Variants in FBXO33 observed in about 807,000 individuals in gnomAD.
The protein encoded by FBXO33 is F-box protein 33.
FBXO33 carries 22 observed loss-of-function variants against 46.3 expected under a neutral mutation model. The ratio of observed to expected loss-of-function variants is 0.48; its 90% CI spans 0.34 to 0.68. The LOEUF (loss-of-function observed/expected upper bound fraction) is 0.68, where lower values mean the gene tolerates loss of function less well. Among genes scored for constraint, FBXO33 ranks in the 30% least tolerant of loss-of-function variants. FBXO33 has a pLI of 0.01. For synonymous variants in FBXO33, 337 were observed against 291.3 expected (o/e 1.16, Z -1.60); for missense variants, 692 against 708.8 (o/e 0.98, Z 0.27).
chr14:39,409,080 G>A (rs933527847), intron 1 of FBXO33, among the ~76,000 whole-genome samples: 34 of 151,946 alleles, frequency 2.2e-4, no homozygotes, highest in Non-Finnish European at 4.4e-4. Context: ...TTTCTGTACA[G>A]AGCTTTTATT....
chr14:39,399,584 G>A lies in FBXO33; in HGVS notation c.1600C>T (p.Leu534Phe). 1 of 1,613,576 alleles carries A rather than the reference G, an allele frequency of 6.2e-7. No individual in the cohort carries two copies. Among genetic ancestry groups the A allele is most frequent in the Admixed American group, 1.7e-5 (1 of 59,942 alleles). Residue 534 changes from leucine to phenylalanine, a missense_variant, in exon 4 of 4, where the codon CTC (leucine) becomes TTC (phenylalanine). Transcript: ENST00000298097. ...PWHAVMDIES[L>F]SVFTEPNRHF... is the part of the protein sequence containing the mutation. ...CGATTTGGTTCAGTGAAGACACTGA[G>A]TGATTCGATGTCCATGACTGCATGC...
chr14:39,422,793 A>G (rs573991101), intron 1 of FBXO33, among the ~76,000 whole-genome samples: 1 of 152,350 alleles, frequency 6.6e-6, no homozygotes, highest in South Asian at 2.1e-4. Flanking sequence ...AAAATGTCAA[A>G]TTGGAATTTT....
In FBXO33 at chr14:39,431,772, T is replaced by G; in HGVS notation, c.391A>C (p.Lys131Gln). The change falls in exon 1 of 4, where the codon AAG becomes CAG. Residue 131 changes from lysine (K) to glutamine (Q), a missense_variant. By Grantham distance (53) the Lys-to-Gln change is moderately conservative (BLOSUM62 1). Transcript: ENST00000298097. ...EQPRLEFLMR[K>Q]CGWFVRELRV... Reference sequence around the variant, plus strand: ...AGCTCTCGCACGAACCAGCCGCACTTGCGCATGAGGAATTCCAGCCGAGGC... The same window carrying G: ...AGCTCTCGCACGAACCAGCCGCACTGGCGCATGAGGAATTCCAGCCGAGGC... 4 of 1,612,818 alleles carry G rather than the reference T, an allele frequency of 2.5e-6. No homozygotes were observed. The highest frequency in any genetic ancestry group is 3.4e-6 in the Non-Finnish European group (4 of 1,179,962).
At chr14:39,418,141 G>C (rs185186903) in intron 1 of FBXO33, among the ~76,000 whole-genome samples, 353 of 151,800 alleles carry the variant, frequency 2.3e-3, no homozygotes, top group African/African-American at 8.1e-3. Context: ...TCTGCTCACT[G>C]CAAGCTCCGC....
At chr14:39,400,636 TA>T (rs1198532327) in intron 3 of FBXO33, among the ~76,000 whole-genome samples, 2 of 152,198 alleles carry the variant, frequency 1.3e-5, no homozygotes, top group African/African-American at 4.8e-5. Context: ...ACTTTGTAAT[TA>T]TCTTACAAGT....
rs2075550777 is a variant in FBXO33, at chr14:39,431,544, G to A, written c.599+20C>T. ...GCGACCCCCCGTTACCGGGCGGGGC[G>A]GGGCTCAGGGCAAGCCTACCTGTTG... On this transcript the variant is annotated intron_variant, in intron 1 of 3. Transcript: ENST00000298097. 2 of 1,608,458 alleles carry A rather than the reference G, an allele frequency of 1.2e-6. No individual in the cohort carries two copies. Among genetic ancestry groups the A allele is most frequent in the Non-Finnish European group, 1.7e-6 (2 of 1,179,972 alleles).
At chr14:39,419,074 G>A (rs2139415051) in intron 1 of FBXO33, among the ~76,000 whole-genome samples, 1 of 152,292 alleles carries the variant, frequency 6.6e-6, no homozygotes, top group Non-Finnish European at 1.5e-5. Flanking sequence ...CTCTCCTGTT[G>A]TAGATGAAGA....
At position 39,431,824 on chromosome 14, in the gene FBXO33, G is replaced by T. The variant is rs767067813; in HGVS notation, c.339C>A (p.Ile113=). The change falls in exon 1 of 4, where the codon ATC becomes ATA. Residue 113 remains isoleucine (I), a synonymous_variant. Transcript: ENST00000298097. ...GCTCCGCGGGCGAGACGCGGAGGCA[G>T]ATGCGGAGCTGGGGCCACAGGGCCG... The part of the protein sequence containing the change: ...FYPALWPQLR[I]CLRVSPAEQP... 17 of 1,609,312 alleles carry T rather than the reference G, an allele frequency of 1.1e-5. No homozygotes were observed. The highest frequency in any genetic ancestry group is 1.2e-5 in the Non-Finnish European group (14 of 1,179,528).
At chr14:39,422,616 T>G (rs1272334828) in intron 1 of FBXO33, among the ~76,000 whole-genome samples, 2 of 152,260 alleles carry the variant, frequency 1.3e-5, no homozygotes, top group African/African-American at 4.8e-5. Flanking sequence ...TTCCATGCTG[T>G]GTCTTTTTCT....
At chr14:39,420,669 G>C (rs962342977) in intron 1 of FBXO33, among the ~76,000 whole-genome samples, 1 of 151,802 alleles carries the variant, frequency 6.6e-6, no homozygotes, top group Non-Finnish European at 1.5e-5. Flanking sequence ...CCAGCCTGGG[G>C]GACAGAGCGA....
At chr14:39,421,780 TCA>T (rs10582893) in intron 1 of FBXO33, among the ~76,000 whole-genome samples, 40,852 of 148,922 alleles carry the variant, frequency 0.27, 5,700 homozygotes, top group Non-Finnish European at 0.32. Flanking sequence ...TGAGTACAAA[TCA>T]CACACACACA....
At chr14:39,402,761 C>T (rs577128059) in intron 1 of FBXO33, among the ~76,000 whole-genome samples, 2 of 148,204 alleles carry the variant, frequency 1.3e-5, no homozygotes, top group African/African-American at 5.0e-5. Flanking sequence ...CGGTTCACTG[C>T]AGGCTCCGCC....
chr14:39,421,052 T>C (rs1037934624), intron 1 of FBXO33, among the ~76,000 whole-genome samples: 14 of 152,312 alleles, frequency 9.2e-5, no homozygotes, highest in Admixed American at 4.6e-4. Flanking sequence ...TACCCAGCCC[T>C]GTGACCCTGG....
chr14:39,410,371 C>G (rs536240432), intron 1 of FBXO33, among the ~76,000 whole-genome samples: 1 of 152,076 alleles, frequency 6.6e-6, no homozygotes, highest in Non-Finnish European at 1.5e-5. Context: ...ATGCCTGCAC[C>G]CCAGGGATAA....
rs780590486 is a variant in FBXO33 at position 39,399,686 on chromosome 14, C to T, written c.1498G>A (p.Gly500Ser). ...VTEESIDFDQGELADQDVDPV... is the reference protein window; with the variant it reads ...VTEESIDFDQSELADQDVDPV... ...TCTACATCCTGGTCGGCCAGTTCAC[C>T]TTGGTCAAAATCAATGCTTTCTTCG... The change falls in exon 4 of 4, where the codon GGT becomes AGT. Residue 500 changes from glycine (G) to serine (S), a missense_variant. Gly to Ser is a moderately conservative substitution (Grantham distance 56). Transcript: ENST00000298097. 6.2e-7 allele frequency: 1 copy of T among 1,614,034 alleles called. No homozygotes were observed. The highest frequency in any genetic ancestry group is 8.5e-7 in the Non-Finnish European group (1 of 1,179,980).
At chr14:39,421,780 TCACACACACA>T (rs10582893) in intron 1 of FBXO33, among the ~76,000 whole-genome samples, 39,311 of 149,096 alleles carry the variant, frequency 0.26, 5,195 homozygotes, top group East Asian at 0.45. Context: ...TGAGTACAAA[TCACACACACA>T]CACACACACA....
chr14:39,416,256 GT>G (rs71435661), intron 1 of FBXO33, among the ~76,000 whole-genome samples: 16 of 149,560 alleles, frequency 1.1e-4, no homozygotes, highest in South Asian at 2.1e-4. Flanking sequence ...TTGGTTGACA[GT>G]TTTTTTTTTC....
intron 1 of FBXO33, among the ~76,000 whole-genome samples, chr14:39,402,844 G>A (rs1049039223): frequency 4.0e-5 from 6 of 151,842 alleles, no homozygotes; most frequent in African/African-American, 7.3e-5. Flanking sequence ...CACCATGCCC[G>A]GCTAATTTTT....
chr14:39,412,052 T>TAGGTCCATCCAA (rs1303578816), intron 1 of FBXO33, among the ~76,000 whole-genome samples: 1 of 152,234 alleles, frequency 6.6e-6, no homozygotes, highest in Non-Finnish European at 1.5e-5. Context: ...GATGGAATGT[T>TAGGTCCATCCAA]CTGTATATGT....
Sources: gnomAD v4.1 joint callset for allele counts (sites outside exome capture counted in the v4.1 genomes callset) on GRCh38, gnomAD v4.1.1 for gene constraint, MANE v1.5 for transcripts, NCBI Gene and HGNC (gene_info 2026-07-23, HGNC 2026-07-21) for gene names.